The following DLGAP2 variants were observed in gnomAD, a reference collection of about 807,000 sequenced individuals.
DLGAP2 encodes disks large-associated protein 2.
A neutral mutation model predicts 100.3 loss-of-function variants in DLGAP2; 26 were observed. The ratio of observed to expected loss-of-function variants is 0.26; its 90% CI spans 0.19 to 0.36. The LOEUF is 0.36. Among genes scored for constraint, DLGAP2 ranks in the 10% least tolerant of loss-of-function variants. The pLI is 1.00. For synonymous variants in DLGAP2, 886 were observed against 630.1 expected (o/e 1.41, Z -6.08); for missense variants, 1,858 against 1,453.2 (o/e 1.28, Z -4.53).
intron 2 of DLGAP2, among the ~76,000 whole-genome samples, chr8:1,101,287 A>G (rs915604184): frequency 2.0e-5 from 3 of 152,244 alleles, no homozygotes; most frequent in African/African-American, 7.2e-5. Context: ...GTGGGGGGCC[A>G]AGGCCGAGGA....
chr8:1,707,009 C>T lies in DLGAP2; in HGVS notation c.*5603C>T, dbSNP rs1799726620. Reference sequence around the variant, plus strand: ...TATCCAGTGTTAAAATAAATTATTTCAAGTTTCAATGTAAACACTTAACAG... The same window carrying T: ...TATCCAGTGTTAAAATAAATTATTTTAAGTTTCAATGTAAACACTTAACAG... On this transcript the variant is annotated 3_prime_UTR_variant, in exon 15 of 15. Transcript: ENST00000637795. The T allele has an allele frequency of 6.6e-6, 1 of 152,382 alleles. No homozygotes were observed. The highest frequency in any genetic ancestry group is 2.4e-5 in the African/African-American group (1 of 41,388). 9.4% of individuals were successfully genotyped at this position (152,382 alleles called of 1,614,324 possible).
chr8:1,375,088 C>A, intron 3 of DLGAP2, among the ~76,000 whole-genome samples: 1 of 147,822 alleles, frequency 6.8e-6, no homozygotes, highest in Non-Finnish European at 1.5e-5. Flanking sequence ...TCTCCACGAC[C>A]TCAGAACTGA....
intron 3 of DLGAP2, among the ~76,000 whole-genome samples, chr8:1,348,752 C>G (rs1254031810): frequency 6.6e-6 from 1 of 152,210 alleles, no homozygotes; most frequent in African/African-American, 2.4e-5. Context: ...GTCTTACACT[C>G]ATGATGGCTT....
intron 2 of DLGAP2, among the ~76,000 whole-genome samples, chr8:1,000,931 G>T (rs1800937716): frequency 6.6e-6 from 1 of 152,078 alleles, no homozygotes; most frequent in African/African-American, 2.4e-5. Context: ...GAGTGCCTGG[G>T]AGCAGGTGAA....
chr8:1,171,115 A>T (rs190714326), intron 2 of DLGAP2, among the ~76,000 whole-genome samples: 6,237 of 152,096 alleles, frequency 0.041, 478 homozygotes, highest in African/African-American at 0.14. Context: ...GAACATCTTT[A>T]TTTCTGCCTT....
chr8:1,632,154 A>G (rs770594075), intron 7 of DLGAP2, among the ~76,000 whole-genome samples: 31 of 152,222 alleles, frequency 2.0e-4, no homozygotes, highest in Admixed American at 8.5e-4. Flanking sequence ...GTATACTAAT[A>G]TCCTAAGCTA....
chr8:1,088,049 A>G (rs1804034921), intron 2 of DLGAP2, among the ~76,000 whole-genome samples: 2 of 152,178 alleles, frequency 1.3e-5, no homozygotes, highest in Admixed American at 1.3e-4. Context: ...CTCTGCCTTC[A>G]CACCACTGCC....
intron 2 of DLGAP2, among the ~76,000 whole-genome samples, chr8:982,391 T>A (rs933168328): frequency 1.3e-5 from 2 of 152,254 alleles, no homozygotes; most frequent in Non-Finnish European, 2.9e-5. Context: ...TTTACTCTTA[T>A]CTCATTCTTT....
intron 1 of DLGAP2, among the ~76,000 whole-genome samples, chr8:886,244 TTG>T (rs917510451): frequency 6.6e-6 from 1 of 152,176 alleles, no homozygotes; most frequent in African/African-American, 2.4e-5. Context: ...TCATTTTTTA[TTG>T]TGTCTTTGAT....
At chr8:1,360,786 AC>A (rs1801965415) in intron 3 of DLGAP2, among the ~76,000 whole-genome samples, 1 of 152,120 alleles carries the variant, frequency 6.6e-6, no homozygotes, top group Admixed American at 6.5e-5. Context: ...GTGGCCTGAC[AC>A]GGTTGCCCAG....
At chr8:1,448,818 G>C (rs1032552507) in intron 3 of DLGAP2, among the ~76,000 whole-genome samples, 1 of 152,136 alleles carries the variant, frequency 6.6e-6, no homozygotes, top group African/African-American at 2.4e-5. Context: ...TCATTGCCCT[G>C]ATCCGGCCAT....
intron 1 of DLGAP2, among the ~76,000 whole-genome samples, chr8:800,706 G>A (rs925756179): frequency 1.3e-4 from 20 of 152,240 alleles, no homozygotes; most frequent in African/African-American, 4.3e-4. Context: ...GCATGTGTGT[G>A]TCTGTGTGTC....
At chr8:1,454,560 A>C (rs942164344) in intron 3 of DLGAP2, among the ~76,000 whole-genome samples, 4 of 152,158 alleles carry the variant, frequency 2.6e-5, no homozygotes, top group Non-Finnish European at 5.9e-5. Flanking sequence ...AAATCGACCA[A>C]TGTGAGTGTT....
chr8:1,627,311 C>A (rs905198556), intron 7 of DLGAP2, among the ~76,000 whole-genome samples: 1 of 152,202 alleles, frequency 6.6e-6, no homozygotes, highest in African/African-American at 2.4e-5. Context: ...GTGTCGCTCA[C>A]AGAGTCCTGC....
chr8:885,283 G>GT (rs1016306121), intron 1 of DLGAP2, among the ~76,000 whole-genome samples: 8 of 152,092 alleles, frequency 5.3e-5, no homozygotes, highest in African/African-American at 1.9e-4. Flanking sequence ...CTATTTCTTT[G>GT]TGTTCTCTCA....
At chr8:1,536,490 C>T (rs965596545) in intron 4 of DLGAP2, among the ~76,000 whole-genome samples, 1 of 152,136 alleles carries the variant, frequency 6.6e-6, no homozygotes, top group African/African-American at 2.4e-5. Context: ...ACGAAAAGAT[C>T]TTCCTTTTTC....
At chr8:892,288 G>T (rs1244829135) in intron 1 of DLGAP2, among the ~76,000 whole-genome samples, 2 of 152,234 alleles carry the variant, frequency 1.3e-5, no homozygotes, top group Admixed American at 1.3e-4. Context: ...GCCAGAGGTG[G>T]CAGCAGCTAG....
At chr8:858,814 T>G (rs914840074) in intron 1 of DLGAP2, among the ~76,000 whole-genome samples, 6 of 152,260 alleles carry the variant, frequency 3.9e-5, no homozygotes, top group African/African-American at 1.4e-4. Context: ...TGTGGCCACA[T>G]GCCACCGTGC....
chr8:1,508,721 G>A (rs1800043764), intron 4 of DLGAP2, among the ~76,000 whole-genome samples: 3 of 150,638 alleles, frequency 2.0e-5, no homozygotes, highest in Non-Finnish European at 3.0e-5. Context: ...CGCACAGGAG[G>A]GAAATGAACC....
Sources: allele counts gnomAD v4.1 joint callset (sites outside exome capture counted in the v4.1 genomes callset), GRCh38; gene constraint gnomAD v4.1.1; transcripts MANE v1.5; gene names NCBI Gene and HGNC (gene_info 2026-07-23, HGNC 2026-07-21).